Variants in RALGAPA1 observed in about 807,000 individuals in gnomAD.
RALGAPA1 encodes Ral GTPase activating protein catalytic subunit alpha 1.
In RALGAPA1, 52 loss-of-function variants were observed where a neutral mutation model predicts 269.6. That is an observed-to-expected ratio of 0.19 (90% CI 0.15 to 0.24). RALGAPA1 has a LOEUF of 0.24. Ranked by LOEUF, RALGAPA1 falls within the 10% of genes least tolerant of loss-of-function variation. RALGAPA1 has a pLI of 1.00. For missense variants in RALGAPA1, 1,917 were observed against 3,013.9 expected, an observed-to-expected ratio of 0.64 and a Z score of 8.52; for synonymous variants, 817 against 1,008.3, an observed-to-expected ratio of 0.81 and a Z score of 3.60.
chr14:35,582,138 T>C (rs751738769), intron 37 of RALGAPA1, among the ~76,000 whole-genome samples: 9 of 152,204 alleles, frequency 5.9e-5, no homozygotes, highest in Admixed American at 1.3e-4. Flanking sequence ...ACACATATTT[T>C]ATGATTCCAC....
At chr14:35,761,656 T>G (rs2073716801) in intron 5 of RALGAPA1, among the ~76,000 whole-genome samples, 1 of 152,152 alleles carries the variant, frequency 6.6e-6, no homozygotes, top group African/African-American at 2.4e-5. Flanking sequence ...CAATAAATAT[T>G]TTAACTGATT....
chr14:35,540,697 AT>A (rs1276420660), intron 41 of RALGAPA1, among the ~76,000 whole-genome samples: 1 of 152,216 alleles, frequency 6.6e-6, no homozygotes, highest in Non-Finnish European at 1.5e-5. Flanking sequence ...GATTCTGGAT[AT>A]TTTAAGGCAT....
intron 39 of RALGAPA1, among the ~76,000 whole-genome samples, chr14:35,560,278 A>G (rs1033911993): frequency 2.0e-5 from 3 of 152,086 alleles, no homozygotes; most frequent in African/African-American, 4.8e-5. Context: ...TCTGGTTTTG[A>G]CCTACTTCTT....
intron 35 of RALGAPA1, among the ~76,000 whole-genome samples, chr14:35,624,049 T>C (rs1478040064): frequency 6.7e-6 from 1 of 148,714 alleles, no homozygotes; most frequent in African/African-American, 2.5e-5. Flanking sequence ...ATCGCACCAC[T>C]GCACTCCAGC....
At chr14:35,749,005 T>C (rs1433143645) in intron 9 of RALGAPA1, among the ~76,000 whole-genome samples, 181 bp from the exon 10 acceptor site, 3 of 152,162 alleles carry the variant, frequency 2.0e-5, no homozygotes, top group Non-Finnish European at 4.4e-5. Flanking sequence ...TAAGTGGCAA[T>C]GCAAGTAACT....
At chr14:35,580,738 T>C (rs2057896057) in intron 37 of RALGAPA1, among the ~76,000 whole-genome samples, 1 of 152,152 alleles carries the variant, frequency 6.6e-6, no homozygotes, top group South Asian at 2.1e-4. Context: ...GAACTAAAAT[T>C]AGTTTCTATA....
At chr14:35,746,618 T>C (rs2141209276) in intron 10 of RALGAPA1, among the ~76,000 whole-genome samples, 1 of 152,260 alleles carries the variant, frequency 6.6e-6, no homozygotes, top group Middle Eastern at 3.4e-3. Flanking sequence ...TCCACTAAAG[T>C]AATTTCTAAA....
At chr14:35,576,536 G>A (rs1017618367) in intron 37 of RALGAPA1, among the ~76,000 whole-genome samples, 9 of 152,060 alleles carry the variant, frequency 5.9e-5, no homozygotes, top group African/African-American at 1.9e-4. Context: ...GGACAAAAAT[G>A]TCAAATGGGA....
intron 17 of RALGAPA1, among the ~76,000 whole-genome samples, chr14:35,694,403 C>T (rs2066737695): frequency 1.3e-5 from 2 of 152,040 alleles, no homozygotes. Flanking sequence ...GCAACAACGG[C>T]AATGTACTTC....
intron 37 of RALGAPA1, among the ~76,000 whole-genome samples, chr14:35,583,176 G>T (rs1035021515): frequency 6.6e-6 from 1 of 152,146 alleles, no homozygotes; most frequent in African/African-American, 2.4e-5. Context: ...AACAACTATG[G>T]TTAACATGCT....
intron 17 of RALGAPA1, among the ~76,000 whole-genome samples, chr14:35,693,496 T>G (rs1253301968): frequency 6.6e-6 from 1 of 151,880 alleles, no homozygotes; most frequent in Non-Finnish European, 1.5e-5. Context: ...TCTTTTCTTT[T>G]TCTTAAGGGA....
intron 1 of RALGAPA1, among the ~76,000 whole-genome samples, chr14:35,780,012 C>G (rs2075324903): frequency 6.6e-6 from 1 of 151,804 alleles, no homozygotes; most frequent in Non-Finnish European, 1.5e-5. Flanking sequence ...GAGGCTGAAG[C>G]AGCATAATCG....
intron 39 of RALGAPA1, among the ~76,000 whole-genome samples, chr14:35,554,458 T>C (rs61989595): frequency 6.3e-5 from 9 of 143,900 alleles, no homozygotes; most frequent in Admixed American, 2.1e-4. Context: ...GCCATTCTCC[T>C]GCCTCAGCCT....
At chr14:35,790,269 CA>C (rs1005297935) in intron 1 of RALGAPA1, among the ~76,000 whole-genome samples, 2 of 148,592 alleles carry the variant, frequency 1.3e-5, no homozygotes, top group Non-Finnish European at 3.0e-5. Flanking sequence ...AAACAAAAAA[CA>C]AAAAAAAAGA....
intron 21 of RALGAPA1, 21 bp downstream of exon 21, chr14:35,683,788 C>G (rs1302471407): frequency 6.5e-7 from 1 of 1,545,836 alleles, no homozygotes. Context: ...TTAAGAAACA[C>G]ATTCCCATGA....
intron 11 of RALGAPA1, among the ~76,000 whole-genome samples, chr14:35,741,814 ACT>A (rs1324414677): frequency 3.9e-5 from 6 of 152,054 alleles, no homozygotes; most frequent in Admixed American, 2.0e-4. Context: ...CACCTCTACT[ACT>A]CTCTCTTTTC....
chr14:35,792,299 G>A (rs558517431), intron 1 of RALGAPA1, among the ~76,000 whole-genome samples: 1 of 152,078 alleles, frequency 6.6e-6, no homozygotes, highest in Non-Finnish European at 1.5e-5. Flanking sequence ...TGGGATTACA[G>A]GCGCCTGCCA....
At chr14:35,759,219 A>G (rs1180855551) in intron 6 of RALGAPA1, among the ~76,000 whole-genome samples, 1 of 152,358 alleles carries the variant, frequency 6.6e-6, no homozygotes, top group East Asian at 1.9e-4. Flanking sequence ...CTGTTTCTAA[A>G]ATTTTGTTCT....
chr14:35,772,033 C>G (rs990831852), intron 3 of RALGAPA1, among the ~76,000 whole-genome samples: 1 of 152,074 alleles, frequency 6.6e-6, no homozygotes, highest in Admixed American at 6.6e-5. Flanking sequence ...TACTTAGATG[C>G]TATGATGGAT....
Sources: gnomAD v4.1 joint callset for allele counts (sites outside exome capture counted in the v4.1 genomes callset) on GRCh38, gnomAD v4.1.1 for gene constraint, MANE v1.5 for transcripts, NCBI Gene and HGNC (gene_info 2026-07-23, HGNC 2026-07-21) for gene names.